The following SGCZ variants were observed in gnomAD, a reference collection of about 807,000 sequenced individuals.
SGCZ encodes zeta-sarcoglycan.
In SGCZ, 40 loss-of-function variants were observed where a neutral mutation model predicts 41.3. The ratio of observed to expected loss-of-function variants is 0.97; its 90% CI spans 0.75 to 1.26. SGCZ has a LOEUF of 1.26. Ranked by LOEUF, SGCZ falls within the 50% of genes most tolerant of loss-of-function variation. SGCZ has a pLI of 0.00. For synonymous variants in SGCZ, 206 were observed against 137.5 expected (o/e 1.50, Z -3.49); for missense variants, 552 against 369.8 (o/e 1.49, Z -4.04).
rs191701745 is a variant in SGCZ, at chr8:14,827,050, G to A, written c.40-272124C>T. 2.9e-3 allele frequency among the ~76,000 whole-genome samples: 434 copies of A among 151,906 alleles called. 4 individuals are homozygous for A. Among genetic ancestry groups the A allele is most frequent in the African/African-American group, 0.01 (415 of 41,442 alleles). On this transcript the variant is annotated intron_variant, in intron 1 of 7. Coordinates refer to ENST00000382080, the MANE Select transcript of SGCZ (RefSeq NM_139167.4). Reference sequence around the variant, plus strand: ...ATGGTATTGCCTCGGTTTTCTTCTAGGGTTTTTATGGTTTTAGGTCTATGG... The same window carrying A: ...ATGGTATTGCCTCGGTTTTCTTCTAAGGTTTTTATGGTTTTAGGTCTATGG...
chr8:14,535,532 C>A (rs1319541537), intron 2 of SGCZ, among the ~76,000 whole-genome samples: 1 of 151,858 alleles, frequency 6.6e-6, no homozygotes, highest in Admixed American at 6.6e-5. Flanking sequence ...ATTTCATCTA[C>A]CCCAAAATAC....
intron 2 of SGCZ, among the ~76,000 whole-genome samples, chr8:14,515,258 T>C (rs926535726): frequency 1.1e-4 from 17 of 152,230 alleles, no homozygotes; most frequent in African/African-American, 4.1e-4. Flanking sequence ...CTGCACTCAC[T>C]GACTTATTTA....
intron 1 of SGCZ, among the ~76,000 whole-genome samples, chr8:14,611,871 G>T (rs974604810): frequency 1.6e-4 from 24 of 152,234 alleles, no homozygotes; most frequent in Non-Finnish European, 1.6e-4. Flanking sequence ...TGATGCAAAA[G>T]CTTGTCACTC....
intron 2 of SGCZ, among the ~76,000 whole-genome samples, chr8:14,328,860 A>G (rs886622106): frequency 2.0e-5 from 3 of 152,200 alleles, no homozygotes; most frequent in Admixed American, 2.0e-4. Context: ...TAAAAGAGGT[A>G]AATGAAGCTT....
chr8:15,054,508 C>T (rs1804632202), intron 1 of SGCZ, among the ~76,000 whole-genome samples: 1 of 152,190 alleles, frequency 6.6e-6, no homozygotes, highest in Admixed American at 6.5e-5. Flanking sequence ...GGAAGACAAC[C>T]TGCCTATTTG....
chr8:14,249,604 G>A (rs1201188524), intron 3 of SGCZ, among the ~76,000 whole-genome samples: 1 of 152,086 alleles, frequency 6.6e-6, no homozygotes, highest in East Asian at 1.9e-4. Context: ...GTTAATTGTG[G>A]TTATACCTTA....
chr8:15,031,178 C>A (rs1032459730), intron 1 of SGCZ, among the ~76,000 whole-genome samples: 2 of 151,968 alleles, frequency 1.3e-5, no homozygotes, highest in African/African-American at 4.8e-5. Flanking sequence ...CACTTTTATT[C>A]TTAGTGCATA....
chr8:14,167,908 C>T (rs1354683901), intron 4 of SGCZ, among the ~76,000 whole-genome samples: 2 of 152,068 alleles, frequency 1.3e-5, no homozygotes, highest in Non-Finnish European at 2.9e-5. Flanking sequence ...CGGTCAAATA[C>T]ATGAATTGGA....
intron 2 of SGCZ, among the ~76,000 whole-genome samples, chr8:14,340,890 A>T (rs1301382878): frequency 6.6e-6 from 1 of 152,086 alleles, no homozygotes; most frequent in African/African-American, 2.4e-5. Flanking sequence ...CATCTTAAGA[A>T]ATTTTTATTA....
At chr8:14,706,109 T>A (rs964393362) in intron 1 of SGCZ, among the ~76,000 whole-genome samples, 1 of 151,834 alleles carries the variant, frequency 6.6e-6, no homozygotes, top group Non-Finnish European at 1.5e-5. Context: ...TCTAGAATTT[T>A]CCCCCCCATG....
chr8:14,115,521 C>T (rs909509402), intron 5 of SGCZ, among the ~76,000 whole-genome samples: 71 of 151,934 alleles, frequency 4.7e-4, no homozygotes, highest in African/African-American at 1.7e-3. Context: ...ACCACCTTTA[C>T]ATAAAGTCTA....
intron 3 of SGCZ, among the ~76,000 whole-genome samples, chr8:14,295,332 C>T (rs1170159628): frequency 1.3e-5 from 2 of 152,166 alleles, no homozygotes; most frequent in African/African-American, 2.4e-5. Flanking sequence ...TGTAGCCAGT[C>T]TCAAAGGCTA....
chr8:14,532,132 G>A (rs1276582995), intron 2 of SGCZ, among the ~76,000 whole-genome samples: 2 of 151,982 alleles, frequency 1.3e-5, no homozygotes, highest in Non-Finnish European at 2.9e-5. Flanking sequence ...TACCAGAATG[G>A]CATTTTATGA....
chr8:15,168,707 C>T (rs1185354312), intron 1 of SGCZ, among the ~76,000 whole-genome samples: 2 of 152,204 alleles, frequency 1.3e-5, no homozygotes, highest in African/African-American at 2.4e-5. Context: ...GCATCCTGAA[C>T]CCCTGGGACT....
chr8:14,889,858 T>C lies in SGCZ; in HGVS notation c.40-334932A>G, dbSNP rs185670959. ...TTTGGTCAATTCATAACCTATATAATGGCCTCTAAGTGAAAGGAAGTGTCA... is the reference window on the plus strand; with the variant it reads ...TTTGGTCAATTCATAACCTATATAACGGCCTCTAAGTGAAAGGAAGTGTCA... On this transcript the variant is annotated intron_variant, in intron 1 of 7. Transcript: ENST00000382080. Among the ~76,000 whole-genome samples the C allele has an allele frequency of 2.6e-4, 39 of 152,232 alleles. No individual in the cohort carries two copies. The East Asian group carries it at 5.6e-3, about 22-fold the overall frequency.
At chr8:14,327,169 G>T (rs1802150914) in intron 2 of SGCZ, among the ~76,000 whole-genome samples, 1 of 152,134 alleles carries the variant, frequency 6.6e-6, no homozygotes, top group Admixed American at 6.6e-5. Flanking sequence ...ATAATATGAA[G>T]ACAGGTTTAT....
intron 5 of SGCZ, among the ~76,000 whole-genome samples, chr8:14,126,226 AC>A (rs1802855195): frequency 6.6e-6 from 1 of 152,222 alleles, no homozygotes; most frequent in Non-Finnish European, 1.5e-5. Flanking sequence ...TTTGCAATCT[AC>A]CCATTTGACA....
chr8:14,093,424 T>C (rs964176069), intron 7 of SGCZ, among the ~76,000 whole-genome samples: 6 of 152,112 alleles, frequency 3.9e-5, no homozygotes, highest in South Asian at 2.1e-4. Context: ...CCAAAGGCCC[T>C]ACCTACAAGA....
intron 1 of SGCZ, among the ~76,000 whole-genome samples, chr8:14,765,668 A>G (rs1800014621): frequency 6.6e-6 from 1 of 152,214 alleles, no homozygotes; most frequent in South Asian, 2.1e-4. Context: ...ACATAAAATT[A>G]CAATTATTTA....
Sources: gnomAD v4.1 joint callset for allele counts (sites outside exome capture counted in the v4.1 genomes callset) on GRCh38, gnomAD v4.1.1 for gene constraint, MANE v1.5 for transcripts, NCBI Gene and HGNC (gene_info 2026-07-23, HGNC 2026-07-21) for gene names.